The following BCHE variants were observed in gnomAD, a reference collection of about 807,000 sequenced individuals.
BCHE encodes cholinesterase.
In BCHE, 48 loss-of-function variants were observed where a neutral mutation model predicts 51.3. The ratio of observed to expected loss-of-function variants is 0.94; its 90% CI spans 0.74 to 1.19. The LOEUF is 1.19. Among genes scored for constraint, BCHE ranks in the 50% most tolerant of loss-of-function variants. The probability of loss-of-function intolerance (pLI) is 0.00; values close to 1 mark genes in which losing one functional copy is unlikely to be tolerated. For missense variants in BCHE, 847 were observed against 708.2 expected, an observed-to-expected ratio of 1.20 and a Z score of -2.23; for synonymous variants, 251 against 238.0, an observed-to-expected ratio of 1.05 and a Z score of -0.50.
At chr3:165,802,904 G>T (rs546707105) in intron 2 of BCHE, among the ~76,000 whole-genome samples, 266 of 152,002 alleles carry the variant, frequency 1.7e-3, no homozygotes, top group African/African-American at 6.2e-3. Flanking sequence ...ACCAAGCCCG[G>T]CTAATTTTTC....
At chr3:165,783,113 A>G (rs1712772994) in intron 3 of BCHE, among the ~76,000 whole-genome samples, 1 of 148,664 alleles carries the variant, frequency 6.7e-6, no homozygotes, top group Non-Finnish European at 1.5e-5. Flanking sequence ...ATAATTAAGA[A>G]ACAACAACAT....
intron 1 of BCHE, among the ~76,000 whole-genome samples, chr3:165,835,950 T>C (rs73877749): frequency 0.025 from 3,836 of 151,862 alleles, 160 homozygotes; most frequent in African/African-American, 0.089. Flanking sequence ...CAAGAAACCA[T>C]CGAAATGAAG....
chr3:165,830,903 A>G lies in BCHE; in HGVS notation c.131T>C (p.Met44Thr). Residue 44 changes from methionine to threonine, a missense_variant, in exon 2 of 4, where the codon ATG becomes ACG. By Grantham distance (81) the Met-to-Thr change is moderately conservative. Coordinates refer to ENST00000264381, the MANE Select transcript of BCHE (RefSeq NM_000055.4). ...CGTGCCACCAAAAACTGTCAAGTTCATCCCTCTGACTTTTCCATTCTTTGT... is the reference window on the plus strand; with the variant it reads ...CGTGCCACCAAAAACTGTCAAGTTCGTCCCTCTGACTTTTCCATTCTTTGT... ...IATKNGKVRG[M>T]NLTVFGGTVT... The G allele has an allele frequency of 1.2e-6, 2 of 1,613,978 alleles. No individual in the cohort carries two copies. Among genetic ancestry groups the G allele is most frequent in the Non-Finnish European group, 1.7e-6 (2 of 1,179,904 alleles).
At chr3:165,785,122 G>A (rs112657484) in intron 3 of BCHE, among the ~76,000 whole-genome samples, 6,004 of 151,826 alleles carry the variant, frequency 0.04, 424 homozygotes, top group African/African-American at 0.14. Context: ...GGCATATTAA[G>A]CAATCAAATA....
At chr3:165,821,447 A>G (rs1272909399) in intron 2 of BCHE, among the ~76,000 whole-genome samples, 2 of 151,176 alleles carry the variant, frequency 1.3e-5, no homozygotes, top group Non-Finnish European at 3.0e-5. Context: ...AAAAAAAAAG[A>G]GAGAGAGAGC....
chr3:165,797,883 G>T (rs184574455), intron 2 of BCHE, among the ~76,000 whole-genome samples: 4 of 152,098 alleles, frequency 2.6e-5, no homozygotes, highest in East Asian at 1.9e-4. Context: ...TATTAGAAAA[G>T]ACTTGGGAAA....
In BCHE at chr3:165,837,347, A is replaced by G; in HGVS notation, c.-42T>C. ...CTGCAACAAAGATGGCAAAGTTTGC[A>G]AGGAGTGAAAATCATGTAATACTTC... On this transcript the variant is annotated 5_prime_UTR_variant, in exon 1 of 4. Transcript: ENST00000264381. 1.6e-6 allele frequency: 2 copies of G among 1,289,782 alleles called. No homozygotes were observed. The highest frequency in any genetic ancestry group is 2.0e-6 in the Non-Finnish European group (2 of 988,834). The allele number at this position is 1,289,782 out of a possible 1,614,324, so 79.9% of individuals were successfully genotyped here.
chr3:165,781,642 C>T (rs1277134545), intron 3 of BCHE, among the ~76,000 whole-genome samples: 5 of 151,948 alleles, frequency 3.3e-5, no homozygotes, highest in African/African-American at 7.2e-5. Context: ...CTAGTGCATG[C>T]GGGGCTTAAA....
At chr3:165,823,331 A>T (rs192072727) in intron 2 of BCHE, among the ~76,000 whole-genome samples, 314 of 152,252 alleles carry the variant, frequency 2.1e-3, no homozygotes, top group African/African-American at 6.9e-3. Context: ...AAATGTTAAG[A>T]TGCCCTTAAA....
intron 3 of BCHE, among the ~76,000 whole-genome samples, chr3:165,784,793 C>T (rs1712878850): frequency 6.6e-6 from 1 of 151,762 alleles, no homozygotes; most frequent in Admixed American, 6.6e-5. Flanking sequence ...AAATAACCCA[C>T]TCATTATATC....
intron 2 of BCHE, among the ~76,000 whole-genome samples, chr3:165,788,538 G>A (rs999285386): frequency 3.1e-4 from 47 of 152,010 alleles, no homozygotes; most frequent in African/African-American, 1.1e-3. Context: ...TAAAGCTGTA[G>A]AAACTAACAA....
chr3:165,825,765 A>G (rs1326798416), intron 2 of BCHE, among the ~76,000 whole-genome samples: 2 of 151,914 alleles, frequency 1.3e-5, no homozygotes, highest in African/African-American at 4.8e-5. Context: ...ATGTGTTCTC[A>G]TTGTTCAATT....
chr3:165,786,444 T>C (rs1044578980), intron 2 of BCHE, 133 bp from the exon 3 acceptor site: 1 of 783,360 alleles, frequency 1.3e-6, no homozygotes, highest in East Asian at 2.7e-5. Flanking sequence ...ATATTGATGA[T>C]ATGAAACGTA....
chr3:165,798,824 A>G (rs1241379615), intron 2 of BCHE, among the ~76,000 whole-genome samples: 1 of 39,984 alleles, frequency 2.5e-5, no homozygotes, highest in East Asian at 1.2e-3. Context: ...TCCCCATCTG[A>G]ACAAAAAAAG....
In BCHE at chr3:165,793,578, C is replaced by T. The variant is rs1456513893; in HGVS notation, c.1518-7267G>A. Among the ~76,000 whole-genome samples the T allele has an allele frequency of 2.0e-5, 3 of 152,280 alleles. No homozygotes were observed. The East Asian group carries it at 5.8e-4, about 29-fold the overall frequency. On this transcript the variant is annotated intron_variant, in intron 2 of 3. Transcript: ENST00000264381. ...CACAACTGATGTGTGGTTACCTCTT[C>T]GTCCTTCACAGTAAATGTTCACATT...
At chr3:165,825,176 A>G (rs374708449) in intron 2 of BCHE, among the ~76,000 whole-genome samples, 1 of 152,146 alleles carries the variant, frequency 6.6e-6, no homozygotes, top group South Asian at 2.1e-4. Flanking sequence ...GTACTCATTC[A>G]TATCCACACG....
chr3:165,781,048 C>T (rs1576835225), intron 3 of BCHE, among the ~76,000 whole-genome samples: 1 of 152,194 alleles, frequency 6.6e-6, no homozygotes, highest in East Asian at 1.9e-4. Flanking sequence ...TCGAGATCAG[C>T]CTGACCAACA....
intron 2 of BCHE, among the ~76,000 whole-genome samples, chr3:165,827,407 CATT>C (rs1320613697): frequency 6.6e-6 from 1 of 150,966 alleles, no homozygotes; most frequent in Non-Finnish European, 1.5e-5. Context: ...ATTTATTTCC[CATT>C]ATAAGGTTAA....
chr3:165,792,588 A>G (rs76450776), intron 2 of BCHE, among the ~76,000 whole-genome samples: 8,068 of 152,270 alleles, frequency 0.053, 287 homozygotes, highest in Non-Finnish European at 0.079. Context: ...GGTAGCAAAC[A>G]TATCTTTATT....
Sources: allele counts gnomAD v4.1 joint callset (sites outside exome capture counted in the v4.1 genomes callset), GRCh38; gene constraint gnomAD v4.1.1; transcripts MANE v1.5; gene names NCBI Gene and HGNC (gene_info 2026-07-23, HGNC 2026-07-21).